The following CTNNA3 variants were observed in gnomAD, a reference collection of about 807,000 sequenced individuals.
The protein encoded by CTNNA3 is catenin alpha-3.
A neutral mutation model predicts 95.7 loss-of-function variants in CTNNA3; 76 were observed. The ratio of observed to expected loss-of-function variants is 0.79; its 90% CI spans 0.66 to 0.96. The LOEUF is 0.96. CTNNA3 is among the 40% of genes least tolerant of loss of function. The pLI is 0.00. For missense variants in CTNNA3, 1,191 were observed against 1,089.8 expected (o/e 1.09, Z -1.31); for synonymous variants, 431 against 374.4 (o/e 1.15, Z -1.74).
intron 5 of CTNNA3, among the ~76,000 whole-genome samples, chr10:67,462,302 T>C (rs1255279158): frequency 6.6e-6 from 1 of 152,212 alleles, no homozygotes; most frequent in East Asian, 1.9e-4. Flanking sequence ...GTCAGCACCT[T>C]GTTACTACTC....
Position 66,221,668 on chromosome 10 carries a change from C to T in CTNNA3, c.1884+58802G>A, listed in dbSNP as rs572878008. ...TTTTCAGGCAATTGAGAACATACTT[C>T]CATTTAACAATGACAAGAACAACAA... On this transcript the variant is annotated intron_variant, in intron 13 of 17. Transcript: ENST00000433211. Among the ~76,000 whole-genome samples, 120 of 152,248 alleles carry T rather than the reference C, an allele frequency of 7.9e-4. 2 individuals are homozygous for T. The highest frequency in any genetic ancestry group is 5.8e-3 in the South Asian group (28 of 4,820).
intron 5 of CTNNA3, among the ~76,000 whole-genome samples, chr10:67,223,767 C>G (rs1192521688): frequency 6.6e-6 from 1 of 152,154 alleles, no homozygotes; most frequent in Non-Finnish European, 1.5e-5. Flanking sequence ...TGAGCCTCGA[C>G]TTTGCATCAA....
At chr10:67,452,059 A>AAAGGAAGG (rs749951862) in intron 5 of CTNNA3, among the ~76,000 whole-genome samples, 22 of 100,768 alleles carry the variant, frequency 2.2e-4, no homozygotes, top group African/African-American at 1.0e-3. Context: ...GGGAGGGAGG[A>AAAGGAAGG]ATGGAAGGAA....
intron 17 of CTNNA3, among the ~76,000 whole-genome samples, chr10:65,925,420 A>G (rs1275944386): frequency 6.6e-6 from 1 of 152,022 alleles, no homozygotes; most frequent in Non-Finnish European, 1.5e-5. Flanking sequence ...CACATTTAAT[A>G]ACTTCTTTCT....
chr10:65,985,698 T>A (rs990241330), intron 16 of CTNNA3, among the ~76,000 whole-genome samples: 2 of 151,452 alleles, frequency 1.3e-5, no homozygotes, highest in African/African-American at 4.8e-5. Context: ...TGACAGACTT[T>A]CCTGTAAGAT....
At chr10:66,235,531 C>T (rs1369431307) in intron 13 of CTNNA3, among the ~76,000 whole-genome samples, 2 of 151,622 alleles carry the variant, frequency 1.3e-5, no homozygotes, top group African/African-American at 4.8e-5. Flanking sequence ...TAATCATAGC[C>T]TAATTATATC....
At chr10:67,354,434 T>C (rs1225747055) in intron 5 of CTNNA3, among the ~76,000 whole-genome samples, 1 of 152,086 alleles carries the variant, frequency 6.6e-6, no homozygotes, top group East Asian at 1.9e-4. Context: ...TACCCATTTG[T>C]ATGTATGTTT....
intron 9 of CTNNA3, among the ~76,000 whole-genome samples, chr10:66,710,885 AGGTAT>A (rs1191343967): frequency 3.9e-4 from 59 of 152,240 alleles, no homozygotes; most frequent in African/African-American, 1.2e-3. Context: ...TGTTTGCATC[AGGTAT>A]GTTGCAAATA....
chr10:66,413,442 T>C (rs765126350), intron 11 of CTNNA3, among the ~76,000 whole-genome samples: 4 of 152,228 alleles, frequency 2.6e-5, no homozygotes, highest in Non-Finnish European at 5.9e-5. Flanking sequence ...AGAATTACTA[T>C]ATTTTCAAAC....
intron 15 of CTNNA3, among the ~76,000 whole-genome samples, chr10:66,045,960 G>A (rs1393777690): frequency 6.6e-6 from 1 of 152,106 alleles, no homozygotes; most frequent in East Asian, 1.9e-4. Flanking sequence ...TTTTAAAGAG[G>A]GAGTGGCCAA....
intron 9 of CTNNA3, among the ~76,000 whole-genome samples, chr10:66,644,562 A>G (rs1311772165): frequency 6.6e-6 from 1 of 151,238 alleles, no homozygotes; most frequent in Non-Finnish European, 1.5e-5. Flanking sequence ...TATTGAGATA[A>G]TTACAAATTC....
intron 5 of CTNNA3, among the ~76,000 whole-genome samples, chr10:67,250,069 G>T (rs976375677): frequency 1.2e-4 from 18 of 152,056 alleles, no homozygotes; most frequent in African/African-American, 4.1e-4. Flanking sequence ...TATCTCTATT[G>T]TTGCATTTTT....
intron 11 of CTNNA3, among the ~76,000 whole-genome samples, chr10:66,458,800 C>T (rs764815301): frequency 6.6e-6 from 1 of 152,066 alleles, no homozygotes; most frequent in African/African-American, 2.4e-5. Flanking sequence ...GTATGATAAG[C>T]CATATTTTGT....
chr10:66,738,419 A>T (rs1849217617), intron 9 of CTNNA3, among the ~76,000 whole-genome samples: 1 of 152,130 alleles, frequency 6.6e-6, no homozygotes, highest in Admixed American at 6.6e-5. Context: ...TTATGCTCAC[A>T]AGCTGCATCT....
chr10:67,344,214 T>A (rs1842329760), intron 5 of CTNNA3, among the ~76,000 whole-genome samples: 1 of 152,036 alleles, frequency 6.6e-6, no homozygotes, highest in South Asian at 2.1e-4. Flanking sequence ...ATGACCTTTT[T>A]AATTAATTGT....
chr10:67,177,744 G>A (rs182030866), intron 7 of CTNNA3, among the ~76,000 whole-genome samples: 14 of 152,292 alleles, frequency 9.2e-5, no homozygotes, highest in African/African-American at 3.1e-4. Flanking sequence ...GAAACCTGGA[G>A]TGACAGTAAA....
At chr10:66,619,881 A>G (rs1018590478) in intron 10 of CTNNA3, among the ~76,000 whole-genome samples, 7 of 152,112 alleles carry the variant, frequency 4.6e-5, no homozygotes, top group African/African-American at 1.7e-4. Flanking sequence ...ACATGTGTAT[A>G]CAAATATATA....
intron 12 of CTNNA3, among the ~76,000 whole-genome samples, chr10:66,369,335 C>T (rs1034242521): frequency 6.6e-6 from 1 of 152,080 alleles, no homozygotes; most frequent in Non-Finnish European, 1.5e-5. Flanking sequence ...TGGCTTTATT[C>T]GAACTACTTC....
chr10:67,566,072 T>TATATATATATATATATATATATAC (rs1265158791), intron 3 of CTNNA3, among the ~76,000 whole-genome samples: 11 of 102,142 alleles, frequency 1.1e-4, no homozygotes, highest in South Asian at 7.6e-4. Flanking sequence ...TATATATATA[T>TATATATATATATATATATATATAC]ACAAAACCTA....
Sources: gnomAD v4.1 joint callset for allele counts (sites outside exome capture counted in the v4.1 genomes callset) on GRCh38, gnomAD v4.1.1 for gene constraint, MANE v1.5 for transcripts, NCBI Gene and HGNC (gene_info 2026-07-23, HGNC 2026-07-21) for gene names.